DLGAP1: variants seen among roughly 807,000 people sequenced by gnomAD.
DLGAP1 encodes the protein disks large-associated protein 1.
Under a neutral mutation model 90.8 loss-of-function variants are expected in DLGAP1, and 11 were observed. The observed-to-expected ratio is 0.12, with a 90% CI of 0.08 to 0.20. The LOEUF (loss-of-function observed/expected upper bound fraction) is 0.20. DLGAP1 is among the 10% of genes least tolerant of loss of function. The pLI is 1.00. For missense variants in DLGAP1, 1,050 were observed against 1,333.8 expected, an observed-to-expected ratio of 0.79 and a Z score of 3.31; for synonymous variants, 558 against 540.7, an observed-to-expected ratio of 1.03 and a Z score of -0.44.
At chr18:3,583,121 C>T (rs1279500422) in intron 7 of DLGAP1, among the ~76,000 whole-genome samples, 2 of 151,526 alleles carry the variant, frequency 1.3e-5, no homozygotes, top group Non-Finnish European at 1.5e-5. Flanking sequence ...TCCCACCTTT[C>T]TGTCTTTCTG....
At chr18:3,509,498 G>T (rs180834969) in intron 10 of DLGAP1, among the ~76,000 whole-genome samples, 54 of 152,242 alleles carry the variant, frequency 3.5e-4, no homozygotes, top group African/African-American at 1.2e-3. Context: ...CCTGGGGCTC[G>T]CCTGCACCCT....
At chr18:4,398,157 T>A (rs1049627087) in intron 1 of DLGAP1, among the ~76,000 whole-genome samples, 3 of 152,114 alleles carry the variant, frequency 2.0e-5, no homozygotes, top group African/African-American at 7.2e-5. Context: ...ACAGGCCACA[T>A]AAAATCACAT....
intron 1 of DLGAP1, among the ~76,000 whole-genome samples, chr18:4,199,466 T>C (rs1373172736): frequency 6.6e-6 from 1 of 152,222 alleles, no homozygotes. Context: ...TATTTTACCA[T>C]GGATGTCAGA....
chr18:4,088,347 T>C (rs575110356), intron 2 of DLGAP1, among the ~76,000 whole-genome samples: 11 of 152,338 alleles, frequency 7.2e-5, no homozygotes, highest in African/African-American at 2.6e-4. Flanking sequence ...GCTACTACTT[T>C]TCCTTTAGAC....
intron 1 of DLGAP1, among the ~76,000 whole-genome samples, chr18:4,409,157 A>G (rs2082725275): frequency 6.6e-6 from 1 of 152,126 alleles, no homozygotes; most frequent in Admixed American, 6.6e-5. Flanking sequence ...TAAAGAAACT[A>G]GTTATTATAA....
chr18:3,535,901 G>A (rs1388177844), intron 9 of DLGAP1, among the ~76,000 whole-genome samples: 3 of 151,946 alleles, frequency 2.0e-5, no homozygotes, highest in Non-Finnish European at 4.4e-5. Flanking sequence ...TGGGCGTGGT[G>A]GCACATGCCT....
At chr18:3,620,195 A>G (rs1026346362) in intron 7 of DLGAP1, among the ~76,000 whole-genome samples, 4 of 152,164 alleles carry the variant, frequency 2.6e-5, no homozygotes, top group African/African-American at 9.7e-5. Context: ...CAGGAGGGTC[A>G]GAGACAAAGA....
At chr18:3,525,421 A>G (rs1317952427) in intron 10 of DLGAP1, among the ~76,000 whole-genome samples, 1 of 152,180 alleles carries the variant, frequency 6.6e-6, no homozygotes, top group Non-Finnish European at 1.5e-5. Context: ...TATTTTCGAC[A>G]TGGAGTTTTG....
chr18:4,171,988 A>C lies in DLGAP1; in HGVS notation c.-266-20701T>G, dbSNP rs199899243. On this transcript the variant is annotated intron_variant, in intron 1 of 12. Transcript: ENST00000315677. ...TTTTCCAAAGATTTTTCCTTCTAGCACTTGAGATAAAGAAGATCAGATGGA... is the reference window on the plus strand; with the variant it reads ...TTTTCCAAAGATTTTTCCTTCTAGCCCTTGAGATAAAGAAGATCAGATGGA... 1.2e-4 allele frequency among the ~76,000 whole-genome samples: 18 copies of C among 152,298 alleles called. 1 individual carries two copies. The East Asian group carries it at 3.3e-3, about 28-fold the overall frequency.
At chr18:3,510,057 C>T (rs2050455241) in intron 10 of DLGAP1, among the ~76,000 whole-genome samples, 1 of 152,156 alleles carries the variant, frequency 6.6e-6, no homozygotes, top group Non-Finnish European at 1.5e-5. Context: ...TTCTGCTCTG[C>T]TTTTAAAATC....
intron 4 of DLGAP1, among the ~76,000 whole-genome samples, 193 bp from the exon 5 acceptor site, chr18:3,814,466 G>A (rs943348208): frequency 4.1e-5 from 6 of 147,786 alleles, no homozygotes; most frequent in East Asian, 2.0e-4. Flanking sequence ...GGTTCATGCC[G>A]TTCTCCTGCC....
chr18:4,258,010 T>TGTGTGTGTGTGTGTGC (rs529531621), intron 1 of DLGAP1, among the ~76,000 whole-genome samples: 45 of 137,106 alleles, frequency 3.3e-4, no homozygotes, highest in African/African-American at 1.3e-3. Flanking sequence ...TGTGTGTGTG[T>TGTGTGTGTGTGTGTGC]GCGCGCGCGC....
At chr18:4,333,567 C>A (rs1045352844) in intron 1 of DLGAP1, among the ~76,000 whole-genome samples, 1 of 150,570 alleles carries the variant, frequency 6.6e-6, no homozygotes, top group Non-Finnish European at 1.5e-5. Context: ...TCTTTGGAAC[C>A]CGGTATCAGT....
chr18:3,619,559 C>A (rs2058016887), intron 7 of DLGAP1, among the ~76,000 whole-genome samples: 1 of 152,108 alleles, frequency 6.6e-6, no homozygotes, highest in Middle Eastern at 3.2e-3. Context: ...AAGTCACTAA[C>A]CCCTTCCCTC....
intron 3 of DLGAP1, among the ~76,000 whole-genome samples, chr18:3,897,853 G>GAT: frequency 6.9e-6 from 1 of 145,088 alleles, no homozygotes; most frequent in South Asian, 2.2e-4. Context: ...GGACTGCAGT[G>GAT]GCGCAATCTC....
At chr18:4,155,557 T>C (rs1326867611) in intron 1 of DLGAP1, among the ~76,000 whole-genome samples, 2 of 152,204 alleles carry the variant, frequency 1.3e-5, no homozygotes, top group Non-Finnish European at 2.9e-5. Context: ...GTGTATATTT[T>C]TCCTTCCAAA....
chr18:4,206,566 T>G (rs567935209), intron 1 of DLGAP1, among the ~76,000 whole-genome samples: 1 of 152,204 alleles, frequency 6.6e-6, no homozygotes, highest in Admixed American at 6.5e-5. Context: ...GTCTTTACAC[T>G]AGTTTGGAGA....
intron 1 of DLGAP1, among the ~76,000 whole-genome samples, chr18:4,396,737 G>C (rs757418426): frequency 1.4e-4 from 21 of 152,278 alleles, no homozygotes; most frequent in Non-Finnish European, 2.6e-4. Flanking sequence ...TTTTTACCAC[G>C]TGAGCCAGAA....
chr18:4,272,516 T>C (rs1040225125), intron 1 of DLGAP1, among the ~76,000 whole-genome samples: 2 of 152,286 alleles, frequency 1.3e-5, no homozygotes, highest in South Asian at 4.1e-4. Flanking sequence ...CTGGAAAATG[T>C]TAAACTTGTC....
Sources: allele counts gnomAD v4.1 joint callset (sites outside exome capture counted in the v4.1 genomes callset), GRCh38; gene constraint gnomAD v4.1.1; transcripts MANE v1.5; gene names NCBI Gene and HGNC (gene_info 2026-07-23, HGNC 2026-07-21).